Variants in COL4A4 observed in about 807,000 individuals in gnomAD.
COL4A4 encodes the protein collagen type IV alpha 4 chain, also known as collagen alpha-4(IV) chain.
COL4A4 carries 105 observed loss-of-function variants against 192.9 expected under a neutral mutation model. The ratio of observed to expected loss-of-function variants is 0.54; its 90% confidence interval spans 0.46 to 0.64. The LOEUF is 0.64. COL4A4 is among the 30% of genes least tolerant of loss of function. The pLI, the probability that COL4A4 is intolerant of heterozygous loss-of-function variation, is 0.00. For synonymous variants in COL4A4, 762 were observed against 769.9 expected (o/e 0.99, Z 0.17); for missense variants, 1,967 against 2,169.3 (o/e 0.91, Z 1.85).
rs368670146 is a variant in COL4A4, at chr2:227,022,044, A to G, written c.4216+4T>C. 8.1e-6 allele frequency: 13 copies of G among 1,613,634 alleles called. No homozygotes were observed. Among genetic ancestry groups the G allele is most frequent in the Admixed American group, 6.7e-5 (4 of 59,968 alleles). ...ATAATGAACAATCAGCATGCGGCTC[A>G]TACCTGGTCCTGAGGGGCCTCTCAT... On this transcript the variant is annotated splice_donor_region_variant and intron_variant, in intron 44 of 47. Coordinates refer to ENST00000396625, the MANE Select transcript of COL4A4 (RefSeq NM_000092.5).
chr2:226,987,860 G>A, the COL4A4 span, among the ~76,000 whole-genome samples: 4 of 152,234 alleles, frequency 2.6e-5, no homozygotes. Flanking sequence ...AGAATCTGTG[G>A]TGAGGGGGTG....
In COL4A4 at chr2:227,108,853, G is replaced by T. The variant is rs370606294; in HGVS notation, c.673C>A (p.Pro225Thr). 45 of 1,611,800 alleles carry T rather than the reference G, an allele frequency of 2.8e-5. No homozygotes were observed. The highest frequency in any genetic ancestry group is 3.7e-5 in the Non-Finnish European group (44 of 1,178,742). Residue 225 changes from proline to threonine, a missense_variant, in exon 11 of 48, where the codon CCA becomes ACA. Physicochemically the swap from Pro to Thr is conservative, Grantham distance 38 (BLOSUM62 -1). Coordinates refer to ENST00000396625, the MANE Select transcript of COL4A4 (RefSeq NM_000092.5). ...CCTACCTTCAAACCTGGACGCCCTG[G>T]TTGGCCCGGAGGTCCCTAAATCAAG... ...EPGLVGPPGQ[P>T]GRPGLKGNPG...
At chr2:226,988,550 CT>C in the COL4A4 span, 1 of 1,422,858 alleles carries the variant, frequency 7.0e-7, no homozygotes, top group Non-Finnish European at 9.2e-7. Flanking sequence ...CTGGCCCTCT[CT>C]GCGGACTGGT....
At chr2:226,968,570 T>C in the COL4A4 span, among the ~76,000 whole-genome samples, 1 of 152,220 alleles carries the variant, frequency 6.6e-6, no homozygotes, top group African/African-American at 2.4e-5. Flanking sequence ...GATTAGTGTT[T>C]AATTGAATAA....
At chr2:227,041,378 C>T (rs1056873446) in intron 37 of COL4A4, among the ~76,000 whole-genome samples, 4 of 151,762 alleles carry the variant, frequency 2.6e-5, no homozygotes, top group African/African-American at 7.3e-5. Context: ...AGCAACCGGG[C>T]GCTCACATCC....
At chr2:227,055,587 T>C (rs114097643) in intron 30 of COL4A4, among the ~76,000 whole-genome samples, 4,671 of 152,152 alleles carry the variant, frequency 0.031, 80 homozygotes, top group Middle Eastern at 0.11. Flanking sequence ...AGACCTGAAG[T>C]GTGGGCCCTG....
intron 26 of COL4A4, among the ~76,000 whole-genome samples, chr2:227,062,083 CA>C (rs1488766592): frequency 6.6e-6 from 1 of 151,934 alleles, no homozygotes; most frequent in Non-Finnish European, 1.5e-5. Context: ...ACTAAAAACA[CA>C]AAAATTAGCC....
chr2:227,102,723 G>A, intron 15 of COL4A4, 66 bp downstream of exon 15: 3 of 1,420,402 alleles, frequency 2.1e-6, no homozygotes, highest in Non-Finnish European at 3.0e-6. Flanking sequence ...TACTGACCTG[G>A]TTTTATAAAA....
intron 19 of COL4A4, among the ~76,000 whole-genome samples, chr2:227,096,508 T>C (rs2060211728): frequency 6.6e-6 from 1 of 152,188 alleles, no homozygotes. Context: ...ACATATTCAC[T>C]CCTCGAACAA....
At chr2:227,131,598 T>C (rs2062472515) in intron 4 of COL4A4, among the ~76,000 whole-genome samples, 1 of 152,178 alleles carries the variant, frequency 6.6e-6, no homozygotes, top group African/African-American at 2.4e-5. Context: ...CTGTTCCCCT[T>C]GTCTGAACAC....
At chr2:226,971,404 C>T in the COL4A4 span, among the ~76,000 whole-genome samples, 1 of 152,220 alleles carries the variant, frequency 6.6e-6, no homozygotes. Context: ...CACAGTGAAG[C>T]AGAACGGGCA....
At chr2:227,145,460 A>G (rs1465592343) in intron 2 of COL4A4, among the ~76,000 whole-genome samples, 1 of 152,144 alleles carries the variant, frequency 6.6e-6, no homozygotes, top group African/African-American at 2.4e-5. Context: ...ACAACAAAAC[A>G]AAACACCCAT....
intron 2 of COL4A4, 129 bp from the exon 3 acceptor site, chr2:227,144,687 C>A (rs1442584071): frequency 2.8e-6 from 2 of 712,032 alleles, no homozygotes; most frequent in Non-Finnish European, 4.9e-6. Context: ...TACTAGCCGA[C>A]TTGTCATCAG....
At chr2:226,997,727 T>G (rs1403613507), downstream of COL4A4, 2 of 152,214 alleles carry the variant, frequency 1.3e-5, no homozygotes, top group Non-Finnish European at 2.9e-5. Context: ...GTGGTAAAAT[T>G]GTGATACGCA....
chr2:227,142,776 TCAAA>T (rs939039721), intron 3 of COL4A4, among the ~76,000 whole-genome samples: 16 of 151,360 alleles, frequency 1.1e-4, no homozygotes, highest in African/African-American at 3.6e-4. Flanking sequence ...AAAAAAAAGT[TCAAA>T]CAAAGAAGTT....
chr2:226,986,190 A>G, the COL4A4 span, among the ~76,000 whole-genome samples: 36 of 152,376 alleles, frequency 2.4e-4, no homozygotes, highest in African/African-American at 8.4e-4. Context: ...ATGGGGGTCA[A>G]GAAAGGACTC....
At chr2:227,035,431 C>A (rs531578586) in intron 37 of COL4A4, among the ~76,000 whole-genome samples, 1 of 151,354 alleles carries the variant, frequency 6.6e-6, no homozygotes, top group South Asian at 2.1e-4. Flanking sequence ...CAGTTAGTTG[C>A]TTCCATTCTA....
At chr2:227,100,266 C>G (rs1204913056) in intron 17 of COL4A4, among the ~76,000 whole-genome samples, 1 of 152,076 alleles carries the variant, frequency 6.6e-6, no homozygotes, top group East Asian at 1.9e-4. Flanking sequence ...TCTCAATGAG[C>G]CTATGAATTT....
chr2:226,997,440 G>C, the COL4A4 span: 2 of 152,118 alleles, frequency 1.3e-5, no homozygotes, highest in Non-Finnish European at 2.9e-5. Flanking sequence ...TGCCTTCTAC[G>C]TGGGAACATG....
Sources: allele counts gnomAD v4.1 joint callset (sites outside exome capture counted in the v4.1 genomes callset), GRCh38; gene constraint gnomAD v4.1.1; transcripts MANE v1.5; gene names NCBI Gene and HGNC (gene_info 2026-07-23, HGNC 2026-07-21).